Variants in IFNAR1 observed in about 807,000 individuals in gnomAD.
IFNAR1 encodes the protein interferon alpha/beta receptor 1.
Under a neutral mutation model 62.1 loss-of-function variants are expected in IFNAR1, and 47 were observed. The observed-to-expected ratio is 0.76, with a 90% CI of 0.60 to 0.97. The LOEUF (loss-of-function observed/expected upper bound fraction) is 0.97, where lower values mean the gene tolerates loss of function less well. Ranked by LOEUF, IFNAR1 falls within the 50% of genes least tolerant of loss-of-function variation. The pLI is 0.00. For synonymous variants in IFNAR1, 219 were observed against 226.9 expected, an observed-to-expected ratio of 0.97 and a Z score of 0.31; for missense variants, 638 against 654.5, an observed-to-expected ratio of 0.97 and a Z score of 0.27.
intron 2 of IFNAR1, among the ~76,000 whole-genome samples, chr21:33,339,360 A>G (rs2083273292): frequency 6.6e-6 from 1 of 152,152 alleles, no homozygotes; most frequent in Non-Finnish European, 1.5e-5. Context: ...AGAATGAAGT[A>G]TTTCATATGC....
intron 1 of IFNAR1, among the ~76,000 whole-genome samples, chr21:33,333,596 T>A (rs1384222798): frequency 6.7e-6 from 1 of 149,924 alleles, no homozygotes; most frequent in Non-Finnish European, 1.5e-5. Context: ...ATTCCATACT[T>A]AAAGAGACTG....
intron 1 of IFNAR1, among the ~76,000 whole-genome samples, chr21:33,331,954 A>G (rs976674953): frequency 1.3e-5 from 2 of 152,160 alleles, no homozygotes; most frequent in African/African-American, 4.8e-5. Flanking sequence ...TGGCTCTGTG[A>G]GCAACTACGT....
chr21:33,355,748 T>G lies in IFNAR1; in HGVS notation c.*199T>G. The G allele has an allele frequency of 3.2e-6, 1 of 309,062 alleles. No individual in the cohort carries two copies. Among genetic ancestry groups the G allele is most frequent in the East Asian group, 6.0e-5 (1 of 16,682 alleles). The allele number at this position is 309,062 out of a possible 1,614,324, so 19.1% of individuals were successfully genotyped here. ...AATGAAATTACAGGCCCGGGCACGGTGGCTCACACCTGTAATCCCAGCACT... is the reference window on the plus strand; with the variant it reads ...AATGAAATTACAGGCCCGGGCACGGGGGCTCACACCTGTAATCCCAGCACT... On this transcript the variant is annotated 3_prime_UTR_variant, in exon 11 of 11. Transcript: ENST00000270139.
Position 33,343,663 on chromosome 21 carries a change from T to C in IFNAR1, c.660T>C (p.Cys220=). 5 of 1,591,986 alleles carry C rather than the reference T, an allele frequency of 3.1e-6. No individual in the cohort carries two copies. Among genetic ancestry groups the C allele is most frequent in the Non-Finnish European group, 4.3e-6 (5 of 1,171,122 alleles). The part of the protein sequence containing the change: ...WKIGVYSPVH[C]IKTTVENELP... ...TTGGTGTCTATAGTCCAGTACATTG[T>C]ATAAAGACCACAGGTAAGGAAGATG... is the stretch of plus-strand genomic sequence containing the variant. The change falls in exon 5 of 11, where the codon TGT becomes TGC. Residue 220 remains cysteine (C), a synonymous_variant. Coordinates refer to ENST00000270139, the MANE Select transcript of IFNAR1 (RefSeq NM_000629.3).
chr21:33,325,174 G>C, intron 1 of IFNAR1, 43 bp downstream of exon 1: 1 of 1,554,174 alleles, frequency 6.4e-7, no homozygotes, highest in Non-Finnish European at 8.8e-7. Context: ...GCGGGAGGTA[G>C]GGCACGCAGC....
At position 33,341,062 on chromosome 21, in the gene IFNAR1, C is replaced by T. The variant is rs1405839312; in HGVS notation, c.264C>T (p.Asn88=). The T allele has an allele frequency of 8.1e-6, 13 of 1,612,340 alleles. No homozygotes were observed. Among genetic ancestry groups the T allele is most frequent in the Non-Finnish European group, 9.3e-6 (11 of 1,178,672 alleles). The change falls in exon 3 of 11, where the codon AAC becomes AAT. Residue 88 remains asparagine, a synonymous_variant. Transcript: ENST00000270139. ...GCQNITSTKC[N]FSSLKLNVYE... is the part of the protein sequence containing the mutation. ...AGAATATTACTAGTACCAAATGCAA[C>T]TTTTCTTCACTCAAGCTGAATGTTT...
At chr21:33,337,286 C>T (rs1401086209) in intron 2 of IFNAR1, among the ~76,000 whole-genome samples, 11 of 151,912 alleles carry the variant, frequency 7.2e-5, no homozygotes, top group Admixed American at 6.6e-5. Flanking sequence ...TCTAAAGACT[C>T]AGTTTTTCTG....
chr21:33,340,615 C>T (rs1219418433), intron 2 of IFNAR1, among the ~76,000 whole-genome samples: 1 of 151,452 alleles, frequency 6.6e-6, no homozygotes, highest in Non-Finnish European at 1.5e-5. Context: ...GATCCAGAAA[C>T]ACAAAATAGT....
chr21:33,341,976 C>T (rs1428233793), intron 3 of IFNAR1, among the ~76,000 whole-genome samples: 1 of 152,170 alleles, frequency 6.6e-6, no homozygotes, highest in Non-Finnish European at 1.5e-5. Context: ...CCACCATGCC[C>T]AGTCCATTGT....
At position 33,345,276 on chromosome 21, in the gene IFNAR1, T is replaced by G; in HGVS notation, c.704T>G (p.Ile235Arg). ...VENELPPPEN[I>R]EVSVQNQNYV... ...AATGAACTACCTCCACCAGAAAATA[T>G]AGAAGTCAGTGTCCAAAATCAGAAC... The change falls in exon 6 of 11, where the codon ATA becomes AGA. Residue 235 changes from isoleucine to arginine, a missense_variant. Transcript: ENST00000270139. 1.3e-6 allele frequency: 2 copies of G among 1,597,254 alleles called. No homozygotes were observed.
intron 8 of IFNAR1, among the ~76,000 whole-genome samples, chr21:33,351,619 G>C (rs965724324): frequency 1.2e-4 from 18 of 149,974 alleles, no homozygotes; most frequent in African/African-American, 2.5e-5. Context: ...TGTGATGTCA[G>C]CTCACTGCAG....
rs2083451229 is a variant in IFNAR1 at position 33,356,660 on chromosome 21, T to C, written c.*1111T>C. The C allele has an allele frequency of 6.6e-6, 1 of 152,250 alleles. No homozygotes were observed. The highest frequency in any genetic ancestry group is 2.4e-5 in the African/African-American group (1 of 41,466). The allele number at this position is 152,250 out of a possible 1,614,324, so 9.4% of individuals were successfully genotyped here. ...TATCTAATTAGAGAAATAATTGTTG[T>C]ATTTTAAGATCTGAGAGTGTGTACA... On this transcript the variant is annotated 3_prime_UTR_variant, in exon 11 of 11. Transcript: ENST00000270139.
intron 1 of IFNAR1, chr21:33,335,066 G>A (rs955560351): frequency 2.5e-5 from 26 of 1,050,646 alleles, no homozygotes; most frequent in Non-Finnish European, 3.6e-5. Context: ...CAGGGAGGAA[G>A]CCAGCACTTG....
chr21:33,352,847 G>A lies in IFNAR1; in HGVS notation c.1233G>A (p.Met411Ile). 1 of 1,605,878 alleles carries A rather than the reference G, an allele frequency of 6.2e-7. No homozygotes were observed. Among genetic ancestry groups the A allele is most frequent in the South Asian group, 1.1e-5 (1 of 90,070 alleles). ...VYCVKARAHT[M>I]DEKLNKSSVF... is the part of the protein sequence containing the mutation. ...GTGTGAAAGCCAGAGCACACACCATGGATGAAAAGCTGAATAAAAGCAGTG... is the reference window on the plus strand; with the variant it reads ...GTGTGAAAGCCAGAGCACACACCATAGATGAAAAGCTGAATAAAAGCAGTG... The change falls in exon 9 of 11, where the codon ATG becomes ATA. Residue 411 changes from methionine (M) to isoleucine (I), a missense_variant. Transcript: ENST00000270139.
At position 33,335,471 on chromosome 21, in the gene IFNAR1, A is replaced by G. The variant is rs1601855585; in HGVS notation, c.77-53A>G. ...GGATGTGAGGGATAGAATAACATTT[A>G]GAATATCTGTACAGTTTGTATATAA... On this transcript the variant is annotated intron_variant, in intron 1 of 10. Transcript: ENST00000270139. 3.9e-6 allele frequency: 4 copies of G among 1,037,114 alleles called. No homozygotes were observed. The East Asian group carries it at 7.7e-5, about 20-fold the overall frequency. 64.2% of individuals were successfully genotyped at this position (1,037,114 alleles called of 1,614,324 possible).
At chr21:33,349,727 C>G (rs1233352151) in intron 8 of IFNAR1, among the ~76,000 whole-genome samples, 184 bp downstream of exon 8, 1 of 151,904 alleles carries the variant, frequency 6.6e-6, no homozygotes, top group Non-Finnish European at 1.5e-5. Context: ...GGGTTTGAGA[C>G]CAGCCTGGGC....
At chr21:33,328,829 T>G (rs1336506849) in intron 1 of IFNAR1, among the ~76,000 whole-genome samples, 1 of 152,124 alleles carries the variant, frequency 6.6e-6, no homozygotes, top group East Asian at 1.9e-4. Flanking sequence ...ATGCATTATA[T>G]ATATATTAGA....
chr21:33,342,456 C>T (rs1417939940), intron 3 of IFNAR1, among the ~76,000 whole-genome samples: 1 of 151,890 alleles, frequency 6.6e-6, no homozygotes, highest in African/African-American at 2.4e-5. Flanking sequence ...AGAACCACTG[C>T]CCTGTACCAA....
In IFNAR1 at chr21:33,353,713, C is replaced by T. The variant is rs200796146; in HGVS notation, c.1370C>T (p.Ala457Val). Residue 457 changes from alanine to valine, a missense_variant, in exon 10 of 11, where the codon GCG becomes GTG. By Grantham distance (64) the Ala-to-Val change is moderately conservative. Transcript: ENST00000270139. ...GCTCTCCCGTTTGTCATTTATGCTG[C>T]GAAAGTCTTCTTGAGATGCATCAAT... is the stretch of plus-strand genomic sequence containing the variant. Reference protein sequence around the residue: ...LFALPFVIYAAKVFLRCINYV... With the variant: ...LFALPFVIYAVKVFLRCINYV... 150 of 1,591,922 alleles carry T rather than the reference C, an allele frequency of 9.4e-5. No homozygotes were observed. The highest frequency in any genetic ancestry group is 1.2e-4 in the Non-Finnish European group (137 of 1,170,454).
Sources: allele counts gnomAD v4.1 joint callset (sites outside exome capture counted in the v4.1 genomes callset), GRCh38; gene constraint gnomAD v4.1.1; transcripts MANE v1.5; gene names NCBI Gene and HGNC (gene_info 2026-07-23, HGNC 2026-07-21).